The following LEMD3 variants were observed in gnomAD, a reference collection of about 807,000 sequenced individuals.
LEMD3 encodes LEM domain containing 3.
LEMD3 carries 33 observed loss-of-function variants against 95.2 expected under a neutral mutation model. The observed-to-expected ratio is 0.35, with a 90% CI of 0.26 to 0.46. The LOEUF (loss-of-function observed/expected upper bound fraction) is 0.46. LEMD3 is among the 20% of genes least tolerant of loss of function. LEMD3 has a pLI of 1.00. For missense variants in LEMD3, 1,210 were observed against 1,192.8 expected, an observed-to-expected ratio of 1.01 and a Z score of -0.21; for synonymous variants, 525 against 474.6, an observed-to-expected ratio of 1.11 and a Z score of -1.38.
intron 1 of LEMD3, among the ~76,000 whole-genome samples, chr12:65,208,625 T>C (rs1869835009): frequency 6.6e-6 from 1 of 152,146 alleles, no homozygotes; most frequent in Admixed American, 6.6e-5. Flanking sequence ...AGAAAAAATG[T>C]ATAAAGATAC....
intron 1 of LEMD3, among the ~76,000 whole-genome samples, chr12:65,208,268 C>T (rs1869825154): frequency 1.3e-5 from 2 of 151,940 alleles, no homozygotes; most frequent in African/African-American, 4.8e-5. Flanking sequence ...TAAAGGAGGA[C>T]AACAGATCAA....
Position 65,247,097 on chromosome 12 carries a change from T to A in LEMD3, c.*772T>A, listed in dbSNP as rs1871137568. 6.6e-6 allele frequency: 1 copy of A among 152,528 alleles called. No homozygotes were observed. Among genetic ancestry groups the A allele is most frequent in the African/African-American group, 2.4e-5 (1 of 41,412 alleles). 9.4% of individuals were successfully genotyped at this position (152,528 alleles called of 1,614,324 possible). A position where few individuals can be genotyped will look rare whatever the true frequency, so the allele number is the denominator to read the frequency against. Reference sequence around the variant, plus strand: ...ACATATGGCTGTACTTTTGCATAGATCAAACAGCCAAACACCTGGAAGTAT... The same window carrying A: ...ACATATGGCTGTACTTTTGCATAGAACAAACAGCCAAACACCTGGAAGTAT... On this transcript the variant is annotated 3_prime_UTR_variant, in exon 13 of 13. Coordinates refer to ENST00000308330, the MANE Select transcript of LEMD3 (RefSeq NM_014319.5).
chr12:65,214,460 G>A (rs1163359791), intron 2 of LEMD3, among the ~76,000 whole-genome samples: 1 of 152,162 alleles, frequency 6.6e-6, no homozygotes, highest in Admixed American at 6.5e-5. Context: ...ACTTATCTCA[G>A]TCAACCGTCT....
intron 1 of LEMD3, among the ~76,000 whole-genome samples, chr12:65,200,229 C>CAA (rs1869557363): frequency 1.3e-5 from 2 of 152,040 alleles, no homozygotes; most frequent in Admixed American, 6.6e-5. Context: ...GGTTGTGACC[C>CAA]ACTACTTCAT....
chr12:65,240,775 T>C (rs749718313), intron 8 of LEMD3, 134 bp from the exon 9 acceptor site: 11 of 765,140 alleles, frequency 1.4e-5, no homozygotes, highest in Non-Finnish European at 2.2e-5. Flanking sequence ...GATATAGGCA[T>C]CTAAATCTTC....
Position 65,215,983 on chromosome 12 carries a change from G to A in LEMD3, c.1567G>A (p.Glu523Lys). The A allele has an allele frequency of 6.6e-7, 1 of 1,509,332 alleles. No individual in the cohort carries two copies. Among genetic ancestry groups the A allele is most frequent in the East Asian group, 2.3e-5 (1 of 43,096 alleles). The allele number at this position is 1,509,332 out of a possible 1,614,324, so 93.5% of individuals were successfully genotyped here. A position where few individuals can be genotyped will look rare whatever the true frequency, so the allele number is the denominator to read the frequency against. ...GETFGKIQES[E>K]KTLMMNTLYK... ...TAACTTCTCTTAATTTTAGGAAAGT[G>A]AAAAAACTCTTATGATGAACACATT... Residue 523 changes from glutamate to lysine, a missense_variant, in exon 3 of 13, where the codon GAA (glutamate) becomes AAA (lysine). Transcript: ENST00000308330.
At chr12:65,175,117 A>T (rs1208483157) in intron 1 of LEMD3, among the ~76,000 whole-genome samples, 1 of 152,202 alleles carries the variant, frequency 6.6e-6, no homozygotes, top group African/African-American at 2.4e-5. Flanking sequence ...ATGGCATACC[A>T]TGAAGTTAAA....
intron 4 of LEMD3, among the ~76,000 whole-genome samples, chr12:65,221,898 A>G (rs1870303537): frequency 1.3e-5 from 2 of 151,572 alleles, no homozygotes; most frequent in African/African-American, 4.9e-5. Flanking sequence ...GTGCCACCAC[A>G]CCTGGCTAAT....
intron 1 of LEMD3, among the ~76,000 whole-genome samples, chr12:65,189,444 A>G (rs938996379): frequency 3.9e-5 from 6 of 152,174 alleles, no homozygotes; most frequent in Non-Finnish European, 1.5e-5. Context: ...TGCAGTTTGA[A>G]TGTTTCTGGT....
intron 1 of LEMD3, among the ~76,000 whole-genome samples, chr12:65,189,509 T>G (rs1336120296): frequency 6.6e-6 from 1 of 152,146 alleles, no homozygotes; most frequent in African/African-American, 2.4e-5. Flanking sequence ...TCAGCAGGGA[T>G]GAGTGTTGCC....
Position 65,246,190 on chromosome 12 carries a change from A to C in LEMD3, c.2601A>C (p.Arg867=). The C allele has an allele frequency of 6.2e-7, 1 of 1,612,082 alleles. No homozygotes were observed. The highest frequency in any genetic ancestry group is 8.5e-7 in the Non-Finnish European group (1 of 1,178,544). ...DGKLVTVKYL[R]LDRYHHRFPQ... ...AATTGGTTACAGTAAAATATTTACG[A>C]CTAGATAGATACCACCATCGCTTTC... The change falls in exon 13 of 13, where the codon CGA becomes CGC. Residue 867 remains arginine, a synonymous_variant. Transcript: ENST00000308330.
chr12:65,238,541 T>C lies in LEMD3; in HGVS notation c.1735T>C (p.Leu579=), dbSNP rs779844005. ...ATATGAAGGTATATTTAACACTTCA[T>C]TGCAGTGGATCTTAGAAAATGGAAA... is the stretch of plus-strand genomic sequence containing the variant. ...PEYEGIFNTS[L]QWILENGKDV... The change falls in exon 5 of 13, where the codon TTG becomes CTG. Residue 579 remains leucine, a synonymous_variant. Coordinates refer to ENST00000308330, the MANE Select transcript of LEMD3 (RefSeq NM_014319.5). The C allele has an allele frequency of 6.2e-7, 1 of 1,611,260 alleles. No individual in the cohort carries two copies. The highest frequency in any genetic ancestry group is 8.5e-7 in the Non-Finnish European group (1 of 1,177,434).
At chr12:65,212,217 C>G (rs1356333300) in intron 2 of LEMD3, among the ~76,000 whole-genome samples, 8 of 152,190 alleles carry the variant, frequency 5.3e-5, no homozygotes, top group African/African-American at 1.9e-4. Context: ...AAAAAACCCA[C>G]CCCATGCATG....
intron 1 of LEMD3, among the ~76,000 whole-genome samples, chr12:65,190,227 G>A (rs903228937): frequency 2.6e-5 from 4 of 152,090 alleles, no homozygotes; most frequent in Non-Finnish European, 4.4e-5. Context: ...AAAATTCGAA[G>A]GCCCCCTGCA....
At chr12:65,190,402 G>A (rs1273461921) in intron 1 of LEMD3, among the ~76,000 whole-genome samples, 1 of 152,020 alleles carries the variant, frequency 6.6e-6, no homozygotes, top group Non-Finnish European at 1.5e-5. Context: ...CAGACCCTAG[G>A]TCTGATAGGA....
chr12:65,223,673 T>G (rs926611534), intron 4 of LEMD3, among the ~76,000 whole-genome samples: 4 of 152,128 alleles, frequency 2.6e-5, no homozygotes, highest in Admixed American at 6.5e-5. Context: ...TTTTAATTAT[T>G]CATTCAGCCA....
chr12:65,195,930 G>A (rs1869417115), intron 1 of LEMD3, among the ~76,000 whole-genome samples: 1 of 152,122 alleles, frequency 6.6e-6, no homozygotes, highest in Admixed American at 6.6e-5. Context: ...AATTTGGCTA[G>A]AAGGATCAAG....
intron 4 of LEMD3, among the ~76,000 whole-genome samples, chr12:65,220,547 T>A (rs1436945635): frequency 6.6e-6 from 1 of 152,210 alleles, no homozygotes; most frequent in African/African-American, 2.4e-5. Context: ...TGTTTTTTTT[T>A]ACTGCACATA....
intron 1 of LEMD3, among the ~76,000 whole-genome samples, chr12:65,177,418 G>A (rs185052618): frequency 3.7e-4 from 57 of 152,308 alleles, no homozygotes; most frequent in Admixed American, 2.9e-3. Context: ...CCATGAGCCT[G>A]GATGACTGAG....
Sources: allele counts gnomAD v4.1 joint callset (sites outside exome capture counted in the v4.1 genomes callset), GRCh38; gene constraint gnomAD v4.1.1; transcripts MANE v1.5; gene names NCBI Gene and HGNC (gene_info 2026-07-23, HGNC 2026-07-21).